Variants in JPH2 observed in about 807,000 individuals in gnomAD.
JPH2 encodes the protein junctophilin 2.
JPH2 carries 38 observed loss-of-function variants against 55.9 expected under a neutral mutation model. The ratio of observed to expected loss-of-function variants is 0.68; its 90% CI spans 0.52 to 0.89. The LOEUF (loss-of-function observed/expected upper bound fraction) is 0.89. Ranked by LOEUF, JPH2 falls within the 40% of genes least tolerant of loss-of-function variation. JPH2 has a pLI of 0.00. For missense variants in JPH2, 964 were observed against 1,037.6 expected, an observed-to-expected ratio of 0.93 and a Z score of 0.97; for synonymous variants, 480 against 472.4, an observed-to-expected ratio of 1.02 and a Z score of -0.21.
intron 1 of JPH2, among the ~76,000 whole-genome samples, chr20:44,173,553 C>A (rs1225037565): frequency 6.6e-6 from 1 of 152,200 alleles, no homozygotes; most frequent in Non-Finnish European, 1.5e-5. Context: ...ACTTGACTAG[C>A]CCTACATTTA....
intron 1 of JPH2, among the ~76,000 whole-genome samples, chr20:44,167,349 G>T (rs1200036384): frequency 6.6e-6 from 1 of 152,170 alleles, no homozygotes; most frequent in Admixed American, 6.5e-5. Context: ...CCAGGCCCAA[G>T]GAAATCCTCG....
intron 2 of JPH2, among the ~76,000 whole-genome samples, chr20:44,134,719 T>TATATAAATATTTATTATAAATATATAAAG (rs1569195338): frequency 5.2e-5 from 3 of 58,176 alleles, no homozygotes; most frequent in Admixed American, 6.5e-4. Context: ...ATATTATAAA[T>TATATAAATATTTATTATAAATATATAAAG]ATATATTTAT....
chr20:44,177,986 G>A lies in JPH2; in HGVS notation c.379+8341C>T, dbSNP rs765376152. On this transcript the variant is annotated intron_variant, in intron 1 of 5. Coordinates refer to ENST00000372980, the MANE Select transcript of JPH2 (RefSeq NM_020433.5). ...TTTAACACATCCCTAAAGGAAAAAA[G>A]GAAACAGAAGCTCAGGGAGGTTACA... is the stretch of plus-strand genomic sequence containing the variant. 11 of 993,058 alleles carry A rather than the reference G, an allele frequency of 1.1e-5. No individual in the cohort carries two copies. The South Asian group carries it at 1.4e-4, about 13-fold the overall frequency. 61.5% of individuals were successfully genotyped at this position (993,058 alleles called of 1,614,324 possible). A position where few individuals can be genotyped will look rare whatever the true frequency, so the allele number is the denominator to read the frequency against.
rs4812790 is a variant in JPH2, at chr20:44,174,057, C to G, written c.379+12270G>C. 2.4e-3 allele frequency among the ~76,000 whole-genome samples: 368 copies of G among 152,204 alleles called. 2 individuals carry two copies. The highest frequency in any genetic ancestry group is 8.0e-3 in the African/African-American group (334 of 41,542). ...TAATGGGTCATGAGGCTGAGTAGCA[C>G]TATAGCCTACAGTCCCCACTCACCA... On this transcript the variant is annotated intron_variant, in intron 1 of 5. Coordinates refer to ENST00000372980, the MANE Select transcript of JPH2 (RefSeq NM_020433.5).
In JPH2 at chr20:44,115,921, G is replaced by A. The variant is rs778570166; in HGVS notation, c.1754C>T (p.Pro585Leu). 6.4e-6 allele frequency: 10 copies of A among 1,571,244 alleles called. No homozygotes were observed. The highest frequency in any genetic ancestry group is 2.3e-5 in the South Asian group (2 of 88,394). ...PPEPPPFEDQ[P>L]EPEVSGSESA... ...CTCGGACCCGGAGACCTCGGGCTCG[G>A]GCTGGTCCTCAAAGGGTGGGGGCTC... Residue 585 changes from proline to leucine, a missense_variant, in exon 4 of 6, where the codon CCC becomes CTC. By Grantham distance (98) the Pro-to-Leu change is moderately conservative. Transcript: ENST00000372980.
At position 44,186,048 on chromosome 20, in the gene JPH2, G is replaced by T. The variant is rs2092518; in HGVS notation, c.379+279C>A. Among the ~76,000 whole-genome samples the T allele has an allele frequency of 0.41, 63,045 of 151,994 alleles. 13,206 individuals carry two copies. The highest frequency in any genetic ancestry group is 0.47 in the Middle Eastern group (137 of 294). The stretch of plus-strand genomic sequence containing the variant: ...GGGCATACCGAACATGCTAATGGTA[G>T]TAGTTATATTTTATTGTGTGTTGAG... On this transcript the variant is annotated intron_variant, in intron 1 of 5. Coordinates refer to ENST00000372980, the MANE Select transcript of JPH2 (RefSeq NM_020433.5).
At chr20:44,114,998 G>T (rs2072176635) in intron 4 of JPH2, 122 bp from the exon 5 acceptor site, 2 of 768,330 alleles carry the variant, frequency 2.6e-6, no homozygotes, top group East Asian at 2.7e-5. Flanking sequence ...AGCATTGCCG[G>T]CTTTGTTCAC....
chr20:44,115,531 A>G lies in JPH2; in HGVS notation c.2010+134T>C, dbSNP rs2072181687. On this transcript the variant is annotated intron_variant, in intron 4 of 5. Coordinates refer to ENST00000372980, the MANE Select transcript of JPH2 (RefSeq NM_020433.5). ...CTCCCCTAATCCCCAGCCCTGCAGC[A>G]TTTCCTCCTGCTCTATCCTGCTTCG... 4 of 1,244,150 alleles carry G rather than the reference A, an allele frequency of 3.2e-6. No individual in the cohort carries two copies. In the South Asian group the frequency reaches 5.1e-5, roughly 16 times the overall value. The allele number at this position is 1,244,150 out of a possible 1,614,324, so 77.1% of individuals were successfully genotyped here. A position where few individuals can be genotyped will look rare whatever the true frequency, so the allele number is the denominator to read the frequency against.
rs1390081453 is a variant in JPH2 at position 44,114,989 on chromosome 20, G to A, written c.2011-113C>T. 3 of 793,158 alleles carry A rather than the reference G, an allele frequency of 3.8e-6. No homozygotes were observed. The Admixed American group carries it at 6.0e-5, about 16-fold the overall frequency. 49.1% of individuals were successfully genotyped at this position (793,158 alleles called of 1,614,324 possible). A position where few individuals can be genotyped will look rare whatever the true frequency, so the allele number is the denominator to read the frequency against. On this transcript the variant is annotated intron_variant, in intron 4 of 5. Coordinates refer to ENST00000372980, the MANE Select transcript of JPH2 (RefSeq NM_020433.5). Reference sequence around the variant, plus strand: ...AACTTCTGGATGGACCTTCCTAAGAGCATTGCCGGCTTTGTTCACTGCTGT... The same window carrying A: ...AACTTCTGGATGGACCTTCCTAAGAACATTGCCGGCTTTGTTCACTGCTGT...
chr20:44,171,429 G>A (rs758918787), intron 1 of JPH2, among the ~76,000 whole-genome samples: 27 of 152,126 alleles, frequency 1.8e-4, no homozygotes, highest in Admixed American at 3.9e-4. Flanking sequence ...CTGGCAGCTC[G>A]GGGAATGTGT....
At chr20:44,157,633 G>A (rs144785241) in intron 2 of JPH2, among the ~76,000 whole-genome samples, 1 of 152,320 alleles carries the variant, frequency 6.6e-6, no homozygotes, top group Non-Finnish European at 1.5e-5. Flanking sequence ...TTATAGATGA[G>A]ATCATTGAGA....
At chr20:44,124,047 G>A (rs1481177602) in intron 2 of JPH2, among the ~76,000 whole-genome samples, 1 of 152,196 alleles carries the variant, frequency 6.6e-6, no homozygotes, top group Admixed American at 6.5e-5. Flanking sequence ...GGGGAAGGGA[G>A]CAGTCACTGG....
rs756436998 is a variant in JPH2, at chr20:44,159,567, C to T, written c.1169+51G>A. The T allele has an allele frequency of 2.6e-6, 4 of 1,546,774 alleles. No homozygotes were observed. The highest frequency in any genetic ancestry group is 3.7e-5 in the Admixed American group (2 of 54,374). On this transcript the variant is annotated intron_variant, in intron 2 of 5. Transcript: ENST00000372980. This position sits in a 1 kb window ranked among gnomAD's most constrained non-coding sequence, Gnocchi z 5.7. ...CCTCCTAGGTTGCCCTGCCCCAGGA[C>T]CCCCTTCTCCGAGGGGAGGCGACCC...
intron 1 of JPH2, among the ~76,000 whole-genome samples, chr20:44,161,280 G>A (rs1231055974): frequency 6.6e-6 from 1 of 152,162 alleles, no homozygotes; most frequent in Non-Finnish European, 1.5e-5. Flanking sequence ...CCGAGACACT[G>A]AGACCGTATG....
chr20:44,178,694 T>C (rs946790767), intron 1 of JPH2, among the ~76,000 whole-genome samples: 1 of 152,192 alleles, frequency 6.6e-6, no homozygotes, highest in Admixed American at 6.5e-5. Context: ...TCCAGAATAA[T>C]CCAATTTTGA....
At chr20:44,185,654 C>G (rs779203572) in intron 1 of JPH2, among the ~76,000 whole-genome samples, 2 of 148,190 alleles carry the variant, frequency 1.3e-5, no homozygotes, top group Non-Finnish European at 3.0e-5. Context: ...AAAAAAGAAT[C>G]CATGGATGGA....
intron 1 of JPH2, among the ~76,000 whole-genome samples, chr20:44,185,394 C>A (rs1266050965): frequency 6.6e-6 from 1 of 151,624 alleles, no homozygotes; most frequent in Admixed American, 6.6e-5. Context: ...GAGGCCGAGA[C>A]AGGCAGATTG....
At chr20:44,172,277 A>G (rs2072704527) in intron 1 of JPH2, among the ~76,000 whole-genome samples, 2 of 152,128 alleles carry the variant, frequency 1.3e-5, no homozygotes, top group Admixed American at 1.3e-4. Flanking sequence ...GGTGAGAAGG[A>G]AAAAGGGGCA....
At position 44,134,296 on chromosome 20, in the gene JPH2, A is replaced by T. The variant is rs868768914; in HGVS notation, c.1170-15673T>A. Among the ~76,000 whole-genome samples the T allele has an allele frequency of 6.3e-3, 47 of 7,482 alleles. 18 individuals carry two copies. Among genetic ancestry groups the T allele is most frequent in the African/African-American group, 0.015 (47 of 3,038 alleles). 4.9% of individuals were successfully genotyped at this position (7,482 alleles called of 152,430 possible). ...TATATACATATAAATATTTATTATA[A>T]ATATAATAAATATTTATTATAAATA... On this transcript the variant is annotated intron_variant, in intron 2 of 5. Coordinates refer to ENST00000372980, the MANE Select transcript of JPH2 (RefSeq NM_020433.5).
Sources: gnomAD v4.1 joint callset for allele counts (sites outside exome capture counted in the v4.1 genomes callset) on GRCh38, gnomAD v4.1.1 for gene constraint, Gnocchi (gnomAD v3.1) non-coding constraint, MANE v1.5 for transcripts, NCBI Gene and HGNC (gene_info 2026-07-23, HGNC 2026-07-21) for gene names.